The following SCAMP4 variants were observed in gnomAD, a reference collection of about 807,000 sequenced individuals.
SCAMP4 encodes the protein secretory carrier-associated membrane protein 4.
A neutral mutation model predicts 32.1 loss-of-function variants in SCAMP4; 19 were observed. The ratio of observed to expected loss-of-function variants is 0.59; its 90% CI spans 0.41 to 0.87. The LOEUF (loss-of-function observed/expected upper bound fraction) is 0.87, where lower values mean the gene tolerates loss of function less well. SCAMP4 is among the 40% of genes least tolerant of loss of function. SCAMP4 has a pLI of 0.00. For missense variants in SCAMP4, 302 were observed against 309.0 expected (o/e 0.98, Z 0.17); for synonymous variants, 152 against 132.7 (o/e 1.15, Z -1.00).
In SCAMP4 at chr19:1,905,430, G is replaced by T. The variant is rs1489771224; in HGVS notation, c.-51G>T. 1 of 463,874 alleles carries T rather than the reference G, an allele frequency of 2.2e-6. No individual in the cohort carries two copies. Among genetic ancestry groups the T allele is most frequent in the Non-Finnish European group, 4.5e-6 (1 of 223,932 alleles). 28.7% of individuals were successfully genotyped at this position (463,874 alleles called of 1,614,324 possible). On this transcript the variant is annotated 5_prime_UTR_variant, in exon 1 of 7. Coordinates refer to ENST00000316097, the MANE Select transcript of SCAMP4 (RefSeq NM_079834.4). ...TGGCGAAGCGCTGCGCTCGCGCCCGGATCCCTCAGGTAAGCGCGCGGCCCC... is the reference window on the plus strand; with the variant it reads ...TGGCGAAGCGCTGCGCTCGCGCCCGTATCCCTCAGGTAAGCGCGCGGCCCC...
At chr19:1,912,617 G>A (rs1803079284) in intron 1 of SCAMP4, 1 of 1,465,318 alleles carries the variant, frequency 6.8e-7, no homozygotes, top group Non-Finnish European at 9.0e-7. Flanking sequence ...CCGCCATGCA[G>A]AGCCACATGG....
At chr19:1,906,871 T>TGTGTGTGTGTGTGTGTGG (rs2013150279) in intron 1 of SCAMP4, 1 of 130,116 alleles carries the variant, frequency 7.7e-6, no homozygotes, top group Non-Finnish European at 1.6e-5. Context: ...AAAAATTGTG[T>TGTGTGTGTGTGTGTGTGG]GTGTGTGTGT....
chr19:1,921,295 A>C (rs2013912700), intron 5 of SCAMP4: 5 of 985,194 alleles, frequency 5.1e-6, no homozygotes, highest in Non-Finnish European at 6.0e-6. Flanking sequence ...TCACCTCCCC[A>C]GGGGTGACGC....
chr19:1,921,937 C>T (rs552313409), intron 5 of SCAMP4: 48 of 985,498 alleles, frequency 4.9e-5, no homozygotes, highest in African/African-American at 1.4e-4. Context: ...GGGGGTACCG[C>T]GTGTGCGTGC....
chr19:1,911,921 G>T, intron 1 of SCAMP4: 3 of 1,242,476 alleles, frequency 2.4e-6, no homozygotes, highest in Non-Finnish European at 3.2e-6. Context: ...GTGTAGCTCT[G>T]ATGCGGTGAC....
chr19:1,923,637 T>TTTTAA (rs1555840379), intron 6 of SCAMP4, among the ~76,000 whole-genome samples: 1 of 148,568 alleles, frequency 6.7e-6, no homozygotes, highest in African/African-American at 2.5e-5. Context: ...TTTTTTTTTT[T>TTTTAA]AGACAGAGTC....
At chr19:1,915,065 C>T (rs752475824) in intron 2 of SCAMP4, 39 bp downstream of exon 2, 51 of 1,612,632 alleles carry the variant, frequency 3.2e-5, no homozygotes, top group South Asian at 7.7e-5. Context: ...GCAGCGTGGG[C>T]GGGAGGGAGA....
chr19:1,923,674 A>G (rs894316219), intron 6 of SCAMP4, among the ~76,000 whole-genome samples: 3 of 119,190 alleles, frequency 2.5e-5, no homozygotes, highest in African/African-American at 9.9e-5. Context: ...GCTGGAGTGT[A>G]GTGGTGCGAT....
intron 1 of SCAMP4, among the ~76,000 whole-genome samples, chr19:1,914,730 C>T (rs2013670490): frequency 1.4e-5 from 2 of 140,114 alleles, no homozygotes; most frequent in South Asian, 2.7e-4. Flanking sequence ...CTGGCTGGGG[C>T]GGTGGGTGGG....
intron 5 of SCAMP4, among the ~76,000 whole-genome samples, chr19:1,919,818 A>AT (rs950964949): frequency 2.4e-4 from 32 of 131,032 alleles, no homozygotes; most frequent in African/African-American, 3.7e-4. Flanking sequence ...AACTATTATT[A>AT]TTTTTTTTTG....
At chr19:1,906,646 CA>C (rs1228785650) in intron 1 of SCAMP4, 1 of 150,998 alleles carries the variant, frequency 6.6e-6, no homozygotes, top group African/African-American at 2.4e-5. Context: ...ATCAGGAGAT[CA>C]AGACCATCCT....
At chr19:1,915,173 C>G in intron 2 of SCAMP4, 147 bp downstream of exon 2, 4 of 945,988 alleles carry the variant, frequency 4.2e-6, no homozygotes. Flanking sequence ...CGTAGCCCAG[C>G]ACAGCTGGAG....
At chr19:1,911,127 G>A (rs1006731119) in intron 1 of SCAMP4, among the ~76,000 whole-genome samples, 4 of 151,630 alleles carry the variant, frequency 2.6e-5, no homozygotes, top group Admixed American at 6.6e-5. Flanking sequence ...CGCCTGCCTC[G>A]GCCTCCCAAA....
intron 1 of SCAMP4, chr19:1,913,499 G>T: frequency 2.6e-6 from 1 of 377,660 alleles, no homozygotes; most frequent in Admixed American, 4.5e-5. Context: ...CCCGAGTGGG[G>T]TGGGGTCTGT....
intron 4 of SCAMP4, 112 bp downstream of exon 4, chr19:1,918,395 G>C: frequency 8.2e-7 from 1 of 1,212,284 alleles, no homozygotes; most frequent in East Asian, 2.6e-5. Context: ...CAGTGTGAAA[G>C]ACAGTTCACA....
intron 1 of SCAMP4, among the ~76,000 whole-genome samples, chr19:1,911,211 A>C (rs1040278930): frequency 4.0e-5 from 6 of 150,240 alleles, no homozygotes; most frequent in African/African-American, 1.5e-4. Context: ...TTGCTCTGTC[A>C]GCCAGGCTGG....
chr19:1,911,993 C>T (rs1599239018), intron 1 of SCAMP4: 5 of 1,413,492 alleles, frequency 3.5e-6, no homozygotes, highest in Non-Finnish European at 4.6e-6. Flanking sequence ...CTTGTGGAGC[C>T]ACGGCCTCCC....
chr19:1,921,513 C>T, intron 5 of SCAMP4: 1 of 985,438 alleles, frequency 1.0e-6, no homozygotes, highest in Non-Finnish European at 1.2e-6. Flanking sequence ...CTAAGCGGAG[C>T]ATGCAGCCCA....
intron 2 of SCAMP4, among the ~76,000 whole-genome samples, chr19:1,917,292 C>T (rs916475645): frequency 1.3e-5 from 2 of 151,976 alleles, no homozygotes; most frequent in Non-Finnish European, 2.9e-5. Context: ...GGAGACAGCG[C>T]GAGACTCCGT....
Sources: gnomAD v4.1 joint callset for allele counts (sites outside exome capture counted in the v4.1 genomes callset) on GRCh38, gnomAD v4.1.1 for gene constraint, MANE v1.5 for transcripts, NCBI Gene and HGNC (gene_info 2026-07-23, HGNC 2026-07-21) for gene names.